Variants in PHYKPL observed in about 807,000 individuals in gnomAD.
The protein encoded by PHYKPL is 5-phosphohydroxy-L-lysine phospho-lyase.
Under a neutral mutation model 51.3 loss-of-function variants are expected in PHYKPL, and 42 were observed. The observed-to-expected ratio is 0.82, with a 90% CI of 0.64 to 1.06. The LOEUF (loss-of-function observed/expected upper bound fraction) is 1.06. Among genes scored for constraint, PHYKPL ranks in the 50% least tolerant of loss-of-function variants. PHYKPL has a pLI of 0.00. For synonymous variants in PHYKPL, 264 were observed against 236.0 expected (o/e 1.12, Z -1.09); for missense variants, 655 against 586.6 (o/e 1.12, Z -1.20).
At chr5:178,224,824 G>A in intron 4 of PHYKPL, 95 bp from the exon 5 acceptor site, 2 of 976,290 alleles carry the variant, frequency 2.0e-6, no homozygotes, top group Non-Finnish European at 3.0e-6. Flanking sequence ...AGACACACAA[G>A]GGAGGCCAAC....
rs2127499866 is a variant in PHYKPL, at chr5:178,231,498, C to T, written c.85G>A (p.Glu29Lys). The change falls in exon 2 of 13, where the codon GAG (glutamate) becomes AAG (lysine). Residue 29 changes from glutamate to lysine, a missense_variant. Coordinates refer to ENST00000308158, the MANE Select transcript of PHYKPL (RefSeq NM_153373.4). ...GCCCGGACAATCTTAACAGGATCCT[C>T]GGGAAAAAAGAGTCTGCAGGAAGAG... ...ISSSCRLFFP[E>K]DPVKIVRAQG... 2.5e-6 allele frequency: 4 copies of T among 1,614,062 alleles called. No individual in the cohort carries two copies. The South Asian group carries it at 3.3e-5, about 13-fold the overall frequency.
At chr5:178,209,425 C>G (rs778624895) in intron 12 of PHYKPL, 1 of 1,614,014 alleles carries the variant, frequency 6.2e-7, no homozygotes, top group Non-Finnish European at 8.5e-7. Flanking sequence ...ACCGAGGCAG[C>G]GGAGGTGGTG....
In PHYKPL at chr5:178,212,985, C is replaced by T. The variant is rs1186220703; in HGVS notation, c.1291G>A (p.Ala431Thr). Reference protein sequence around the residue: ...NARQVVAKLDAILTDMEEKVR... With the variant: ...NARQVVAKLDTILTDMEEKVR... ...GCTTCAAGCTCACCAGTCAGAATGG[C>T]ATCCAGCTTTGCCACCACCTGCCGT... is the stretch of plus-strand genomic sequence containing the variant. Residue 431 changes from alanine (A) to threonine (T), a missense_variant, in exon 11 of 13, where the codon GCC becomes ACC. Physicochemically the swap from Ala to Thr is moderately conservative, Grantham distance 58. Coordinates refer to ENST00000308158, the MANE Select transcript of PHYKPL (RefSeq NM_153373.4). The T allele has an allele frequency of 6.2e-7, 1 of 1,614,004 alleles. No individual in the cohort carries two copies. Among genetic ancestry groups the T allele is most frequent in the South Asian group, 1.1e-5 (1 of 91,050 alleles).
At chr5:178,207,691 CTTTTTTTTTTT>C (rs34424574), downstream of PHYKPL, among the ~76,000 whole-genome samples, 1 of 78,756 alleles carries the variant, frequency 1.3e-5, no homozygotes, top group African/African-American at 5.3e-5. Flanking sequence ...ACTTTGAGCA[CTTTTTTTTTTT>C]TTTTTTTTTT....
In PHYKPL at chr5:178,231,523, G is replaced by C; in HGVS notation, c.60C>G (p.Ser20Arg). The change falls in exon 2 of 13, where the codon AGC (serine) becomes AGG (arginine). Residue 20 changes from serine (S) to arginine (R), a missense_variant and splice_region_variant. Transcript: ENST00000308158. ...CGGGAAAAAAGAGTCTGCAGGAAGA[G>C]CTGTGGGGACAGGCAAGGAGTGGAC... ...DTLALRQRLISSSCRLFFPED... is the reference protein window; with the variant it reads ...DTLALRQRLIRSSCRLFFPED... 6.2e-7 allele frequency: 1 copy of C among 1,614,176 alleles called. No individual in the cohort carries two copies. Among genetic ancestry groups the C allele is most frequent in the Non-Finnish European group, 8.5e-7 (1 of 1,180,014 alleles).
At chr5:178,210,125 C>A (rs765255219) in intron 12 of PHYKPL, 11 of 1,614,044 alleles carry the variant, frequency 6.8e-6, no homozygotes, top group Non-Finnish European at 8.5e-6. Flanking sequence ...CCCTGCTCCC[C>A]CCACAGGTCA....
At chr5:178,221,125 A>C (rs1472483086) in intron 8 of PHYKPL, among the ~76,000 whole-genome samples, 5 of 152,234 alleles carry the variant, frequency 3.3e-5, no homozygotes, top group African/African-American at 1.2e-4. Flanking sequence ...TAACTGAATA[A>C]CTAGAAGAGG....
intron 6 of PHYKPL, 33 bp from the exon 7 acceptor site, chr5:178,222,967 T>C (rs776311754): frequency 1.2e-6 from 2 of 1,609,860 alleles, no homozygotes; most frequent in South Asian, 2.2e-5. Context: ...AACACGACCA[T>C]GGGGTTGTGC....
At chr5:178,232,092 C>G in intron 1 of PHYKPL, 3 of 1,191,440 alleles carry the variant, frequency 2.5e-6, no homozygotes, top group Non-Finnish European at 3.2e-6. Flanking sequence ...CAGCCCCCTC[C>G]CAGGTCACTC....
intron 6 of PHYKPL, 166 bp downstream of exon 6, chr5:178,224,282 G>T: frequency 1.4e-6 from 1 of 740,338 alleles, no homozygotes; most frequent in Non-Finnish European, 2.1e-6. Flanking sequence ...ATGCTAGGCC[G>T]TGCACTCAGA....
chr5:178,211,941 T>TTTCACAAC lies in PHYKPL; in HGVS notation c.1325_1332dup (p.Thr445ValfsTer5), dbSNP rs1291336856. 2 of 1,614,144 alleles carry TTTCACAAC rather than the reference T, an allele frequency of 1.2e-6. No individual in the cohort carries two copies. Among genetic ancestry groups the TTTCACAAC allele is most frequent in the South Asian group, 2.2e-5 (2 of 91,074 alleles). On this transcript the variant is annotated frameshift_variant, in exon 12 of 13. Transcript: ENST00000308158. LOFTEE classifies it high-confidence loss of function. ...CTGGCTTAGGGCTGGAGCCTCAGCG[T>TTTCACAAC]TTCACAACTTCTCACCTTCTCTTCC...
rs565826551 is a variant in PHYKPL at position 178,215,548 on chromosome 5, C to T, written c.928-118G>A. 5.7e-5 allele frequency: 73 copies of T among 1,272,182 alleles called. No individual in the cohort carries two copies. The African/African-American group carries it at 1.1e-3, about 19-fold the overall frequency. 78.8% of individuals were successfully genotyped at this position (1,272,182 alleles called of 1,614,324 possible). A position where few individuals can be genotyped will look rare whatever the true frequency, so the allele number is the denominator to read the frequency against. The stretch of plus-strand genomic sequence containing the variant: ...CAAGGCCAGTGGCAAGAGCAGAGGC[C>T]CCAAACCCCTTAGGGCGCACAGTCC... On this transcript the variant is annotated intron_variant, in intron 8 of 12. Coordinates refer to ENST00000308158, the MANE Select transcript of PHYKPL (RefSeq NM_153373.4).
intron 8 of PHYKPL, among the ~76,000 whole-genome samples, chr5:178,218,513 AG>A (rs1345395191): frequency 6.6e-6 from 1 of 152,162 alleles, no homozygotes; most frequent in Non-Finnish European, 1.5e-5. Flanking sequence ...AAGAGATCCC[AG>A]GGAGTGCTCA....
At chr5:178,227,972 G>T (rs566070149) in intron 3 of PHYKPL, among the ~76,000 whole-genome samples, 1 of 152,208 alleles carries the variant, frequency 6.6e-6, no homozygotes, top group South Asian at 2.1e-4. Flanking sequence ...CAAGATGAGC[G>T]GGGGTGAGTG....
At chr5:178,217,335 T>C in intron 8 of PHYKPL, among the ~76,000 whole-genome samples, 1 of 151,706 alleles carries the variant, frequency 6.6e-6, no homozygotes, top group Non-Finnish European at 1.5e-5. Context: ...ATTCTGGTGC[T>C]TCAGCCTCCC....
intron 10 of PHYKPL, among the ~76,000 whole-genome samples, chr5:178,213,751 G>A (rs1759152711): frequency 6.6e-6 from 1 of 152,154 alleles, no homozygotes; most frequent in Non-Finnish European, 1.5e-5. Context: ...TCTTGGGGGT[G>A]GGGAGTGTGC....
chr5:178,215,134 T>A (rs1345268275), intron 9 of PHYKPL, 142 bp downstream of exon 9: 2 of 1,372,798 alleles, frequency 1.5e-6, no homozygotes, highest in Admixed American at 2.2e-5. Flanking sequence ...GAGAGCCGTT[T>A]TGGGCAATAG....
intron 12 of PHYKPL, chr5:178,209,402 C>G: frequency 6.2e-7 from 1 of 1,614,118 alleles, no homozygotes; most frequent in East Asian, 2.2e-5. Context: ...CCGTGGAAAC[C>G]GCAACCGAGG....
At chr5:178,210,624 G>C (rs982397142) in intron 12 of PHYKPL, 1 of 1,612,762 alleles carries the variant, frequency 6.2e-7, no homozygotes, top group African/African-American at 1.3e-5. Context: ...GCCATACTGA[G>C]GCGGCAGCAG....
Sources: allele counts gnomAD v4.1 joint callset (sites outside exome capture counted in the v4.1 genomes callset), GRCh38; gene constraint gnomAD v4.1.1; transcripts MANE v1.5; gene names NCBI Gene and HGNC (gene_info 2026-07-23, HGNC 2026-07-21).